Variants in PBX4 observed in about 807,000 individuals in gnomAD.
PBX4 encodes pre-B-cell leukemia transcription factor 4.
In PBX4, 26 loss-of-function variants were observed where a neutral mutation model predicts 35.1. The observed-to-expected ratio is 0.74, with a 90% CI of 0.54 to 1.03. PBX4 has a LOEUF of 1.03. Ranked by LOEUF, PBX4 falls within the 50% of genes least tolerant of loss-of-function variation. PBX4 has a pLI of 0.00. For missense variants in PBX4, 448 were observed against 504.3 expected (o/e 0.89, Z 1.07); for synonymous variants, 199 against 204.2 (o/e 0.97, Z 0.22).
Position 19,562,014 on chromosome 19 carries a change from A to G in PBX4, c.*11T>C, listed in dbSNP as rs766390616. ...GCTCACGCAGCGCTCTTTCCTGCTT[A>G]TCCCCCAAACTTAATTAGATGTACT... On this transcript the variant is annotated 3_prime_UTR_variant, in exon 8 of 8. Coordinates refer to ENST00000251203, the MANE Select transcript of PBX4 (RefSeq NM_025245.3). This position sits in a 1 kb window ranked among gnomAD's most constrained non-coding sequence, Gnocchi z 4.8. 3.1e-6 allele frequency: 5 copies of G among 1,607,194 alleles called. No individual in the cohort carries two copies. Among genetic ancestry groups the G allele is most frequent in the Middle Eastern group, 1.7e-4 (1 of 6,046 alleles).
intron 2 of PBX4, among the ~76,000 whole-genome samples, chr19:19,577,031 C>G (rs1195208421): frequency 1.3e-5 from 2 of 151,930 alleles, no homozygotes; most frequent in Non-Finnish European, 2.9e-5. Context: ...AGTTCAAGAC[C>G]AGCCTGGCCA....
intron 1 of PBX4, among the ~76,000 whole-genome samples, chr19:19,613,432 C>A (rs1318925333): frequency 7.3e-6 from 1 of 136,578 alleles, no homozygotes; most frequent in African/African-American, 2.7e-5. Context: ...CACGCCAGAG[C>A]GAGACTCTGT....
chr19:19,576,850 G>T (rs756137739), intron 2 of PBX4, among the ~76,000 whole-genome samples: 1 of 151,420 alleles, frequency 6.6e-6, no homozygotes, highest in South Asian at 2.1e-4. Context: ...CTGTCCTCAA[G>T]CGAGCCTCCA....
At chr19:19,568,890 G>A (rs531677354) in intron 5 of PBX4, among the ~76,000 whole-genome samples, 9 of 152,226 alleles carry the variant, frequency 5.9e-5, no homozygotes, top group East Asian at 1.9e-4. Flanking sequence ...CTGGGACCTC[G>A]CATTCCATCT....
chr19:19,603,611 A>C (rs1156340613), intron 1 of PBX4, among the ~76,000 whole-genome samples: 1 of 152,176 alleles, frequency 6.6e-6, no homozygotes, highest in Non-Finnish European at 1.5e-5. Flanking sequence ...AGGTACTAGC[A>C]CATGTTTATA....
In PBX4 at chr19:19,618,541, G is replaced by A. The variant is rs1316968346; in HGVS notation, c.89C>T (p.Thr30Ile). The A allele has an allele frequency of 1.3e-5, 19 of 1,472,030 alleles. No individual in the cohort carries two copies. The highest frequency in any genetic ancestry group is 1.7e-5 in the Non-Finnish European group (19 of 1,106,864). 91.2% of individuals were successfully genotyped at this position (1,472,030 alleles called of 1,614,324 possible). A position where few individuals can be genotyped will look rare whatever the true frequency, so the allele number is the denominator to read the frequency against. The change falls in exon 1 of 8, where the codon ACC (threonine) becomes ATC (isoleucine). Residue 30 changes from threonine (T) to isoleucine (I), a missense_variant. Physicochemically the swap from Thr to Ile is moderately conservative, Grantham distance 89. Coordinates refer to ENST00000251203, the MANE Select transcript of PBX4 (RefSeq NM_025245.3). ...CTGTGCCTCGTCCAGGCTCTGGTCG[G>A]TGATGGCCATGATCTGCTGCAGGAC... ...SDVLQQIMAITDQSLDEAQAR... is the reference protein window; with the variant it reads ...SDVLQQIMAIIDQSLDEAQAR...
intron 2 of PBX4, among the ~76,000 whole-genome samples, chr19:19,576,522 C>A (rs1158621004): frequency 1.3e-5 from 2 of 151,202 alleles, no homozygotes; most frequent in Non-Finnish European, 2.9e-5. Context: ...CTGTGCCTGG[C>A]CAAAAAAAAA....
chr19:19,567,375 T>C (rs894304321), intron 5 of PBX4, among the ~76,000 whole-genome samples: 3 of 152,204 alleles, frequency 2.0e-5, no homozygotes, highest in Non-Finnish European at 2.9e-5. Flanking sequence ...GGGGTTCCAA[T>C]TGCTCTCTGT....
At chr19:19,571,169 C>T (rs748875690) in intron 2 of PBX4, among the ~76,000 whole-genome samples, 1 of 152,146 alleles carries the variant, frequency 6.6e-6, no homozygotes. Context: ...ACCCCTGAAC[C>T]GAGTCTCAAG....
chr19:19,616,209 T>A (rs1378469273), intron 1 of PBX4, among the ~76,000 whole-genome samples: 1 of 152,168 alleles, frequency 6.6e-6, no homozygotes, highest in Non-Finnish European at 1.5e-5. Flanking sequence ...CCTGGCTGGC[T>A]GACAAGTGGT....
chr19:19,601,628 A>T (rs1007094327), intron 1 of PBX4, among the ~76,000 whole-genome samples: 3 of 152,120 alleles, frequency 2.0e-5, no homozygotes, highest in African/African-American at 7.2e-5. Flanking sequence ...TCATCACATG[A>T]CCCTTAAAGG....
Position 19,570,841 on chromosome 19 carries a change from AGAGAGACCGG to A in PBX4, c.194-18_194-9del. On this transcript the variant is annotated splice_polypyrimidine_tract_variant and intron_variant, in intron 2 of 7. Transcript: ENST00000251203. ...TGCCACGGATGCTTACCACTAGATA[AGAGAGACCGG>A]GACAAGTCACAATTCATTTTCTGGA... The A allele has an allele frequency of 6.2e-7, 1 of 1,612,842 alleles. No homozygotes were observed. The highest frequency in any genetic ancestry group is 8.5e-7 in the Non-Finnish European group (1 of 1,179,316).
chr19:19,597,047 AATAAAAAAT>A (rs974963887), intron 2 of PBX4, among the ~76,000 whole-genome samples: 1 of 151,974 alleles, frequency 6.6e-6, no homozygotes, highest in African/African-American at 2.4e-5. Context: ...CCCCATCTTT[AATAAAAAAT>A]ACAAAAAATT....
At chr19:19,601,686 G>A (rs1231309315) in intron 1 of PBX4, among the ~76,000 whole-genome samples, 1 of 152,112 alleles carries the variant, frequency 6.6e-6, no homozygotes, top group Non-Finnish European at 1.5e-5. Context: ...GATGATGTAA[G>A]GGTTGGAGAG....
At position 19,608,794 on chromosome 19, in the gene PBX4, G is replaced by A. The variant is rs577098417; in HGVS notation, c.120-9429C>T. The A allele has an allele frequency of 1.6e-4, 25 of 152,522 alleles. 1 individual carries two copies. The highest frequency in any genetic ancestry group is 5.1e-4 in the African/African-American group (21 of 41,558). The allele number at this position is 152,522 out of a possible 1,614,324, so 9.4% of individuals were successfully genotyped here. ...CTTGTCCCCCGCCTGACTTCACCTA[G>A]ACTCCAGAGTCATGCACTCTGATTG... is the stretch of plus-strand genomic sequence containing the variant. On this transcript the variant is annotated intron_variant, in intron 1 of 7. Coordinates refer to ENST00000251203, the MANE Select transcript of PBX4 (RefSeq NM_025245.3).
chr19:19,612,346 A>G (rs1483870753), intron 1 of PBX4, among the ~76,000 whole-genome samples: 1 of 152,216 alleles, frequency 6.6e-6, no homozygotes, highest in African/African-American at 2.4e-5. Context: ...CTGAAAACAA[A>G]CTTACGGCAA....
At chr19:19,612,025 T>C (rs914376199) in intron 1 of PBX4, among the ~76,000 whole-genome samples, 5 of 152,006 alleles carry the variant, frequency 3.3e-5, no homozygotes, top group Non-Finnish European at 5.9e-5. Flanking sequence ...TCCCTGCACT[T>C]TGGGAGGCTG....
chr19:19,589,435 A>C (rs2061512555), intron 2 of PBX4, among the ~76,000 whole-genome samples: 1 of 151,812 alleles, frequency 6.6e-6, no homozygotes, highest in African/African-American at 2.4e-5. Context: ...CTCTGTCTAA[A>C]ATAAATAAAT....
chr19:19,568,373 T>C (rs372058451), intron 5 of PBX4, among the ~76,000 whole-genome samples: 37 of 62,004 alleles, frequency 6.0e-4, no homozygotes, highest in Admixed American at 9.0e-4. Flanking sequence ...GCTCACACTC[T>C]ATCAGTATCC....
Sources: gnomAD v4.1 joint callset for allele counts (sites outside exome capture counted in the v4.1 genomes callset) on GRCh38, gnomAD v4.1.1 for gene constraint, Gnocchi (gnomAD v3.1) non-coding constraint, MANE v1.5 for transcripts, NCBI Gene and HGNC (gene_info 2026-07-23, HGNC 2026-07-21) for gene names.